RAPGEF1: variants seen among roughly 807,000 people sequenced by gnomAD.
RAPGEF1 encodes Rap guanine nucleotide exchange factor 1.
RAPGEF1 carries 33 observed loss-of-function variants against 143.3 expected under a neutral mutation model. The ratio of observed to expected loss-of-function variants is 0.23; its 90% confidence interval spans 0.17 to 0.31. The LOEUF (loss-of-function observed/expected upper bound fraction) is 0.31. Ranked by LOEUF, RAPGEF1 falls within the 10% of genes least tolerant of loss-of-function variation. RAPGEF1 has a pLI of 1.00. For missense variants in RAPGEF1, 1,199 were observed against 1,645.4 expected, an observed-to-expected ratio of 0.73 and a Z score of 4.69; for synonymous variants, 629 against 676.5, an observed-to-expected ratio of 0.93 and a Z score of 1.09.
chr9:131,710,571 C>T (rs553090529), intron 1 of RAPGEF1, among the ~76,000 whole-genome samples: 53 of 152,260 alleles, frequency 3.5e-4, no homozygotes, highest in African/African-American at 1.2e-3. Context: ...CCTAAAGAAT[C>T]CCCACAGCAT....
chr9:131,720,635 C>A (rs1836197098), intron 1 of RAPGEF1, among the ~76,000 whole-genome samples: 1 of 152,200 alleles, frequency 6.6e-6, no homozygotes, highest in Non-Finnish European at 1.5e-5. Flanking sequence ...GCAACACCTG[C>A]CAACATCACA....
chr9:131,618,961 G>A (rs1483942539), intron 12 of RAPGEF1, 90 bp downstream of exon 12: 4 of 1,167,950 alleles, frequency 3.4e-6, no homozygotes, highest in African/African-American at 1.6e-5. Flanking sequence ...GGGCCGCGAC[G>A]GGCAGCAGAA....
rs1352638047 is a variant in RAPGEF1, at chr9:131,589,280, C to T, written c.2868-294G>A. 3.3e-5 allele frequency among the ~76,000 whole-genome samples: 5 copies of T among 152,228 alleles called. No individual in the cohort carries two copies. In the South Asian group the frequency reaches 6.2e-4, roughly 19 times the overall value. On this transcript the variant is annotated intron_variant, in intron 19 of 26. Transcript: ENST00000683357. ...GCAGGGACAAGTCCTACACGAATCC[C>T]GCCCTGGGGAGCTGCTGCTCCCATT...
chr9:131,676,810 A>G (rs1832425911), intron 1 of RAPGEF1, among the ~76,000 whole-genome samples: 1 of 152,274 alleles, frequency 6.6e-6, no homozygotes, highest in South Asian at 2.1e-4. Flanking sequence ...CACAGGCATT[A>G]GCCTAGTCAG....
Position 131,619,099 on chromosome 9 carries a change from G to T in RAPGEF1, c.2013C>A (p.Ser671=). 1 of 1,354,526 alleles carries T rather than the reference G, an allele frequency of 7.4e-7. No individual in the cohort carries two copies. Among genetic ancestry groups the T allele is most frequent in the Middle Eastern group, 2.1e-4 (1 of 4,760 alleles). 83.9% of individuals were successfully genotyped at this position (1,354,526 alleles called of 1,614,324 possible). ...GCCGGCTGAGAAAGGAGTTAGAGACGGACACACTGAGGCCCTGAGCGGCAC... is the reference window on the plus strand; with the variant it reads ...GCCGGCTGAGAAAGGAGTTAGAGACTGACACACTGAGGCCCTGAGCGGCAC... ...DGSAAQGLSV[S]VSNSFLSRHG... is the part of the protein sequence containing the mutation. The change falls in exon 12 of 27, where the codon TCC becomes TCA. Residue 671 remains serine (S), a synonymous_variant. Transcript: ENST00000683357.
At chr9:131,664,110 G>C (rs1380982390) in intron 1 of RAPGEF1, among the ~76,000 whole-genome samples, 1 of 152,040 alleles carries the variant, frequency 6.6e-6, no homozygotes, top group Non-Finnish European at 1.5e-5. Flanking sequence ...TTCCAAACTT[G>C]GCCAGAGGGA....
intron 15 of RAPGEF1, among the ~76,000 whole-genome samples, chr9:131,599,916 G>A (rs1248540826): frequency 6.6e-6 from 1 of 152,084 alleles, no homozygotes; most frequent in Non-Finnish European, 1.5e-5. Context: ...TCAGGAGTTC[G>A]AGACCAGCCT....
chr9:131,600,384 C>CT (rs953400948), intron 15 of RAPGEF1, among the ~76,000 whole-genome samples: 7 of 152,174 alleles, frequency 4.6e-5, no homozygotes, highest in Admixed American at 1.3e-4. Flanking sequence ...GCTTGGCCCA[C>CT]ACACTCTGCC....
rs1310835923 is a variant in RAPGEF1, at chr9:131,655,886, C to CA, written c.62-4938dup. Among the ~76,000 whole-genome samples the CA allele has an allele frequency of 2.6e-5, 4 of 151,996 alleles. No homozygotes were observed. Among genetic ancestry groups the CA allele is most frequent in the African/African-American group, 4.8e-5 (2 of 41,376 alleles). ...ACAGGTGTGAGCCACCGCGCCCGGC[C>CA]AAAAAATTTTCTAAAAGGGGGGTGT... On this transcript the variant is annotated intron_variant, in intron 1 of 26. Transcript: ENST00000683357. The surrounding 1 kb of genome is among the most constrained non-coding windows in gnomAD (Gnocchi z 4.1).
chr9:131,637,118 G>A (rs142651640), intron 5 of RAPGEF1, among the ~76,000 whole-genome samples: 4,600 of 152,104 alleles, frequency 0.03, 190 homozygotes, highest in African/African-American at 0.092. Context: ...CCAGCATCTC[G>A]GGAGGCTGAG....
chr9:131,719,788 A>C (rs1315839130), intron 1 of RAPGEF1, among the ~76,000 whole-genome samples: 1 of 151,978 alleles, frequency 6.6e-6, no homozygotes, highest in Non-Finnish European at 1.5e-5. Flanking sequence ...GAAAGAGTTA[A>C]GATTTGTACA....
chr9:131,678,034 C>T (rs1260102218), intron 1 of RAPGEF1, among the ~76,000 whole-genome samples: 2 of 152,242 alleles, frequency 1.3e-5, no homozygotes, highest in African/African-American at 4.8e-5. Flanking sequence ...AACATACTCA[C>T]AGCTGTTTCT....
At chr9:131,626,842 T>A (rs1963255104) in intron 9 of RAPGEF1, among the ~76,000 whole-genome samples, 1 of 152,220 alleles carries the variant, frequency 6.6e-6, no homozygotes, top group Admixed American at 6.5e-5. Context: ...GGCTCACGCC[T>A]GTAATCCCAG....
chr9:131,612,566 T>C (rs1156455803), intron 12 of RAPGEF1, among the ~76,000 whole-genome samples: 3 of 152,174 alleles, frequency 2.0e-5, no homozygotes, highest in Non-Finnish European at 4.4e-5. Flanking sequence ...GGCTCGCTCC[T>C]GGGCTCAGGA....
intron 1 of RAPGEF1, among the ~76,000 whole-genome samples, chr9:131,729,285 G>A (rs1185424576): frequency 8.3e-6 from 1 of 120,068 alleles, no homozygotes; most frequent in African/African-American, 3.2e-5. Context: ...TGACGCCTCA[G>A]CCCTCTCAGT....
chr9:131,674,947 G>A (rs1251686863), intron 1 of RAPGEF1, among the ~76,000 whole-genome samples: 2 of 151,996 alleles, frequency 1.3e-5, no homozygotes, highest in Non-Finnish European at 2.9e-5. Flanking sequence ...CCTCCCCAAG[G>A]TGAATGCTTA....
chr9:131,733,372 G>T (rs1447522204), intron 1 of RAPGEF1, among the ~76,000 whole-genome samples: 2 of 132,408 alleles, frequency 1.5e-5, no homozygotes, highest in African/African-American at 5.5e-5. Flanking sequence ...GGGCGGGGGG[G>T]GGGGTGGTGC....
At chr9:131,587,327 C>T (rs1348408598) in intron 22 of RAPGEF1, among the ~76,000 whole-genome samples, 1 of 151,532 alleles carries the variant, frequency 6.6e-6, no homozygotes, top group Non-Finnish European at 1.5e-5. Flanking sequence ...CACACACACA[C>T]GAATTAAAGA....
At chr9:131,681,254 G>A (rs964395578) in intron 1 of RAPGEF1, among the ~76,000 whole-genome samples, 6 of 152,074 alleles carry the variant, frequency 3.9e-5, no homozygotes, top group Non-Finnish European at 7.4e-5. Context: ...TTTCTTTTCC[G>A]GAGGACACTG....
Sources: allele counts gnomAD v4.1 joint callset (sites outside exome capture counted in the v4.1 genomes callset), GRCh38; gene constraint gnomAD v4.1.1; non-coding constraint Gnocchi (gnomAD v3.1); transcripts MANE v1.5; gene names NCBI Gene and HGNC (gene_info 2026-07-23, HGNC 2026-07-21).